Variants in SKAP2 observed in about 807,000 individuals in gnomAD.
The protein encoded by SKAP2 is src kinase associated phosphoprotein 2, also known as src kinase-associated phosphoprotein 2.
SKAP2 carries 28 observed loss-of-function variants against 54.9 expected under a neutral mutation model. That is an observed-to-expected ratio of 0.51 (90% CI 0.38 to 0.70). SKAP2 has a LOEUF of 0.70. Ranked by LOEUF, SKAP2 falls within the 30% of genes least tolerant of loss-of-function variation. The pLI, the probability that SKAP2 is intolerant of heterozygous loss-of-function variation, is 0.00. For synonymous variants in SKAP2, 137 were observed against 134.3 expected (o/e 1.02, Z -0.14); for missense variants, 356 against 424.1 (o/e 0.84, Z 1.41).
At chr7:26,781,628 C>G (rs1184552711) in intron 4 of SKAP2, among the ~76,000 whole-genome samples, 1 of 152,174 alleles carries the variant, frequency 6.6e-6, no homozygotes, top group Non-Finnish European at 1.5e-5. Flanking sequence ...TTCATTTAAA[C>G]AGTGAATCAG....
chr7:26,840,245 A>C (rs1353359393), intron 4 of SKAP2, among the ~76,000 whole-genome samples: 1 of 152,064 alleles, frequency 6.6e-6, no homozygotes, highest in Non-Finnish European at 1.5e-5. Flanking sequence ...TCAGATTTTT[A>C]TCCACAAAGT....
At chr7:26,746,824 T>C (rs573910108) in intron 4 of SKAP2, 1 of 152,242 alleles carries the variant, frequency 6.6e-6, no homozygotes, top group South Asian at 2.1e-4. Context: ...TTCAATTATA[T>C]CAAATGTGGA....
intron 4 of SKAP2, among the ~76,000 whole-genome samples, chr7:26,783,091 C>T (rs970419080): frequency 7.9e-5 from 12 of 152,146 alleles, no homozygotes; most frequent in Admixed American, 6.6e-4. Flanking sequence ...CACTGTCACT[C>T]GCATGTCCCC....
chr7:26,707,046 A>C (rs1787175771), intron 9 of SKAP2, among the ~76,000 whole-genome samples: 2 of 152,196 alleles, frequency 1.3e-5, no homozygotes, highest in African/African-American at 4.8e-5. Flanking sequence ...CATAAATTTA[A>C]CAAAAATTTC....
chr7:26,683,868 A>G (rs1263160999), intron 11 of SKAP2, among the ~76,000 whole-genome samples: 3 of 152,318 alleles, frequency 2.0e-5, no homozygotes, highest in East Asian at 1.9e-4. Context: ...TCAAGAAAGA[A>G]ACCACATCAA....
chr7:26,803,910 TA>T (rs1783967602), intron 4 of SKAP2, among the ~76,000 whole-genome samples: 1 of 152,190 alleles, frequency 6.6e-6, no homozygotes, highest in South Asian at 2.1e-4. Flanking sequence ...TTGTGGGATC[TA>T]AAAATCAAAT....
chr7:26,842,462 T>G (rs1784836254), intron 4 of SKAP2, among the ~76,000 whole-genome samples: 1 of 151,860 alleles, frequency 6.6e-6, no homozygotes, highest in South Asian at 2.1e-4. Context: ...GATTTCTGGC[T>G]CTCATAGATA....
chr7:26,722,736 T>C (rs868191852), intron 9 of SKAP2, among the ~76,000 whole-genome samples: 1 of 152,114 alleles, frequency 6.6e-6, no homozygotes, highest in Non-Finnish European at 1.5e-5. Context: ...CCACGTTTTC[T>C]TCTTACTCTT....
intron 4 of SKAP2, among the ~76,000 whole-genome samples, chr7:26,815,536 G>A (rs1334569579): frequency 1.3e-5 from 2 of 152,100 alleles, no homozygotes; most frequent in African/African-American, 2.4e-5. Context: ...GACAAACTCA[G>A]TAACAGCCAC....
chr7:26,772,292 G>A (rs1783205178), intron 4 of SKAP2, among the ~76,000 whole-genome samples: 3 of 152,154 alleles, frequency 2.0e-5, no homozygotes, highest in Admixed American at 1.3e-4. Flanking sequence ...TAAGTTGTGT[G>A]TCACTGGGGT....
intron 4 of SKAP2, among the ~76,000 whole-genome samples, chr7:26,756,449 T>C (rs1334026456): frequency 6.6e-6 from 1 of 152,212 alleles, no homozygotes; most frequent in Non-Finnish European, 1.5e-5. Flanking sequence ...GTCCTTGTGA[T>C]AGTTTGCTGA....
chr7:26,657,717 A>C, the SKAP2 span, among the ~76,000 whole-genome samples: 2 of 150,782 alleles, frequency 1.3e-5, no homozygotes, highest in African/African-American at 2.5e-5. Flanking sequence ...AGATGAGCCA[A>C]AGAAAAAAAA....
chr7:26,774,155 T>C (rs1177414590), intron 4 of SKAP2, among the ~76,000 whole-genome samples: 1 of 151,412 alleles, frequency 6.6e-6, no homozygotes, highest in East Asian at 1.9e-4. Context: ...TCTACTAAAA[T>C]TACAAAAATT....
chr7:26,756,153 T>C (rs1782787366), intron 4 of SKAP2, among the ~76,000 whole-genome samples: 2 of 152,200 alleles, frequency 1.3e-5, no homozygotes, highest in Admixed American at 6.5e-5. Flanking sequence ...TACTAATATA[T>C]AGTGATATAC....
rs551466522 is a variant in SKAP2, at chr7:26,726,058, T to C, written c.595-72A>G. 173 of 973,280 alleles carry C rather than the reference T, an allele frequency of 1.8e-4. No homozygotes were observed. In the South Asian group the frequency reaches 2.4e-3, roughly 13 times the overall value. 60.3% of individuals were successfully genotyped at this position (973,280 alleles called of 1,614,324 possible). A position where few individuals can be genotyped will look rare whatever the true frequency, so the allele number is the denominator to read the frequency against. On this transcript the variant is annotated intron_variant, in intron 7 of 12. Transcript: ENST00000345317. ...GAAAGGTATGTTGTATTCTTACCAT[T>C]TCTTTAAGACTATTAGTAATTCTTT...
At chr7:26,716,654 T>C (rs1354442215) in intron 9 of SKAP2, among the ~76,000 whole-genome samples, 2 of 152,254 alleles carry the variant, frequency 1.3e-5, no homozygotes, top group African/African-American at 2.4e-5. Flanking sequence ...TGTTGCCTTC[T>C]TTTGTGTTTA....
At chr7:26,850,350 G>A (rs1785013741) in intron 3 of SKAP2, among the ~76,000 whole-genome samples, 1 of 152,038 alleles carries the variant, frequency 6.6e-6, no homozygotes, top group African/African-American at 2.4e-5. Context: ...GGAGGCCAAG[G>A]CGGGTGGTCT....
intron 4 of SKAP2, among the ~76,000 whole-genome samples, chr7:26,819,532 C>A (rs572848306): frequency 6.6e-6 from 1 of 150,684 alleles, no homozygotes; most frequent in South Asian, 2.1e-4. Context: ...AACAAAGCTG[C>A]GCATTCTGCA....
intron 4 of SKAP2, among the ~76,000 whole-genome samples, chr7:26,780,695 C>T (rs1323875565): frequency 6.6e-6 from 1 of 152,010 alleles, no homozygotes; most frequent in Non-Finnish European, 1.5e-5. Context: ...CCCATATATA[C>T]ACATAGATAA....
Sources: gnomAD v4.1 joint callset for allele counts (sites outside exome capture counted in the v4.1 genomes callset) on GRCh38, gnomAD v4.1.1 for gene constraint, MANE v1.5 for transcripts, NCBI Gene and HGNC (gene_info 2026-07-23, HGNC 2026-07-21) for gene names.